Variants in C10orf67 observed in about 807,000 individuals in gnomAD.
C10orf67 encodes the protein chromosome 10 open reading frame 67.
In C10orf67, 60 loss-of-function variants were observed where a neutral mutation model predicts 35.6. The observed-to-expected ratio is 1.68, with a 90% CI of 1.37 to 2.09. The LOEUF is 2.09. Ranked by LOEUF, C10orf67 falls within the 30% of genes most tolerant of loss-of-function variation. The pLI, the probability that C10orf67 is intolerant of heterozygous loss-of-function variation, is 0.00. For missense variants in C10orf67, 474 were observed against 330.2 expected (o/e 1.44, Z -3.38); for synonymous variants, 167 against 115.8 (o/e 1.44, Z -2.84).
At chr10:23,325,576 A>G (rs1413558109) in intron 2 of C10orf67, among the ~76,000 whole-genome samples, 1 of 151,548 alleles carries the variant, frequency 6.6e-6, no homozygotes, top group East Asian at 1.9e-4. Flanking sequence ...ACCAATAACA[A>G]CAACAACAAA....
At position 23,298,017 on chromosome 10, in the gene C10orf67, A is replaced by G. The variant is rs185033806; in HGVS notation, c.702+5287T>C. On this transcript the variant is annotated intron_variant, in intron 5 of 15. Transcript: ENST00000636213. ...ACGCCTATAATCCTAGCACTTTGGG[A>G]AGCTGAGGTGGGCGGATCACAAGGT... 1.1e-3 allele frequency among the ~76,000 whole-genome samples: 164 copies of G among 152,188 alleles called. 2 individuals are homozygous for G. Among genetic ancestry groups the G allele is most frequent in the African/African-American group, 3.8e-3 (157 of 41,516 alleles).
chr10:23,341,925 A>G (rs1356758495), intron 1 of C10orf67, among the ~76,000 whole-genome samples: 1 of 152,092 alleles, frequency 6.6e-6, no homozygotes, highest in Non-Finnish European at 1.5e-5. Flanking sequence ...TAATCCCAGT[A>G]CTTTGGGAGG....
At chr10:23,250,210 G>A (rs1588615728) in intron 12 of C10orf67, among the ~76,000 whole-genome samples, 1 of 152,150 alleles carries the variant, frequency 6.6e-6, no homozygotes, top group South Asian at 2.1e-4. Flanking sequence ...GGTATTAAGC[G>A]AGTGAGTCTG....
At chr10:23,315,359 T>C (rs1461319241) in intron 4 of C10orf67, among the ~76,000 whole-genome samples, 1 of 152,232 alleles carries the variant, frequency 6.6e-6, no homozygotes, top group East Asian at 1.9e-4. Flanking sequence ...ACATTTGATA[T>C]ACATTAGAAA....
At chr10:23,300,394 G>A (rs1049302875) in intron 5 of C10orf67, among the ~76,000 whole-genome samples, 1 of 152,104 alleles carries the variant, frequency 6.6e-6, no homozygotes, top group African/African-American at 2.4e-5. Context: ...TATCCCGTTT[G>A]TCCCATTCCG....
intron 4 of C10orf67, among the ~76,000 whole-genome samples, chr10:23,320,180 A>G (rs1564510626): frequency 1.3e-5 from 2 of 152,228 alleles, no homozygotes; most frequent in Non-Finnish European, 2.9e-5. Context: ...AAACTTGTAA[A>G]CAGTGCCCAA....
chr10:23,263,611 G>A (rs1842808436), intron 10 of C10orf67, among the ~76,000 whole-genome samples: 1 of 152,036 alleles, frequency 6.6e-6, no homozygotes, highest in South Asian at 2.1e-4. Flanking sequence ...ACACAGAAGG[G>A]CCCTGATTCT....
At chr10:23,302,846 A>G (rs1460660791) in intron 5 of C10orf67, among the ~76,000 whole-genome samples, 1 of 152,144 alleles carries the variant, frequency 6.6e-6, no homozygotes, top group Non-Finnish European at 1.5e-5. Flanking sequence ...TGAGGGGAAA[A>G]TCCTCTGGGA....
intron 15 of C10orf67, among the ~76,000 whole-genome samples, chr10:23,214,678 A>G (rs1841386656): frequency 1.3e-5 from 2 of 152,202 alleles, no homozygotes; most frequent in African/African-American, 2.4e-5. Flanking sequence ...TAAAAATCAT[A>G]TAACACTTTG....
At chr10:23,257,473 G>A (rs530390102) in intron 10 of C10orf67, among the ~76,000 whole-genome samples, 1 of 152,240 alleles carries the variant, frequency 6.6e-6, no homozygotes, top group East Asian at 1.9e-4. Flanking sequence ...TGTGACCCCA[G>A]CTCCCACTCT....
At chr10:23,301,214 C>T (rs893457347) in intron 5 of C10orf67, among the ~76,000 whole-genome samples, 2 of 152,168 alleles carry the variant, frequency 1.3e-5, no homozygotes, top group African/African-American at 4.8e-5. Context: ...TGATCTCAAC[C>T]GGCTACTGCC....
chr10:23,213,182 A>G (rs887060217), intron 15 of C10orf67, among the ~76,000 whole-genome samples: 4 of 152,240 alleles, frequency 2.6e-5, no homozygotes, highest in African/African-American at 7.2e-5. Context: ...GGAAGGTACT[A>G]TTGAAGAATT....
In C10orf67 at chr10:23,334,655, G is replaced by A. The variant is rs188571536; in HGVS notation, c.207-1473C>T. Reference sequence around the variant, plus strand: ...AAGCCCATCACAGTTATCCCACTCTGCTTGGCAGTGGATGTCCAGGGACGG... The same window carrying A: ...AAGCCCATCACAGTTATCCCACTCTACTTGGCAGTGGATGTCCAGGGACGG... On this transcript the variant is annotated intron_variant, in intron 1 of 15. Coordinates refer to ENST00000636213, the MANE Select transcript of C10orf67 (RefSeq NM_001371909.1). 2.0e-4 allele frequency among the ~76,000 whole-genome samples: 30 copies of A among 152,362 alleles called. No homozygotes were observed. In the East Asian group the frequency reaches 5.6e-3, roughly 28 times the overall value.
chr10:23,258,434 G>T, intron 10 of C10orf67: 1 of 170,642 alleles, frequency 5.9e-6, no homozygotes, highest in Non-Finnish European at 1.4e-5. Context: ...TCAGCAAAGT[G>T]GGGACAGACT....
At chr10:23,323,674 G>A (rs941273749) in intron 2 of C10orf67, among the ~76,000 whole-genome samples, 14 of 151,228 alleles carry the variant, frequency 9.3e-5, no homozygotes, top group Admixed American at 2.0e-4. Context: ...ACTTTGGGAC[G>A]CTGAAGTGGA....
At position 23,344,669 on chromosome 10, in the gene C10orf67, C is replaced by A; in HGVS notation, c.106G>T (p.Glu36Ter). The A allele has an allele frequency of 6.3e-7, 1 of 1,580,208 alleles. No homozygotes were observed. The highest frequency in any genetic ancestry group is 2.3e-5 in the East Asian group (1 of 42,880). ...SLRGTFGTRWEAMKAKATELR... is the reference protein window; with the variant it reads ...SLRGTFGTRW ...TCGGTGGCCTTGGCTTTCATGGCCT[C>A]CCAGCGTGTGCCAAAGGTCCCCCTC... is the stretch of plus-strand genomic sequence containing the variant. The change falls in exon 1 of 16, where the codon GAG becomes TAG. Residue 36 changes from glutamate (E) to a stop codon, truncating the protein, a stop_gained. Coordinates refer to ENST00000636213, the MANE Select transcript of C10orf67 (RefSeq NM_001371909.1). LOFTEE classifies it high-confidence loss of function.
At chr10:23,217,169 C>T (rs1841453518) in intron 15 of C10orf67, among the ~76,000 whole-genome samples, 1 of 152,046 alleles carries the variant, frequency 6.6e-6, no homozygotes, top group Admixed American at 6.6e-5. Flanking sequence ...AGATGGGCAA[C>T]TTTGATTAAA....
chr10:23,236,966 G>A (rs1564466104), intron 13 of C10orf67, among the ~76,000 whole-genome samples: 1 of 152,146 alleles, frequency 6.6e-6, no homozygotes, highest in Non-Finnish European at 1.5e-5. Flanking sequence ...ATGGGGGTTT[G>A]CTGTTCAGAT....
At chr10:23,342,765 T>C (rs568729633) in intron 1 of C10orf67, among the ~76,000 whole-genome samples, 3 of 152,314 alleles carry the variant, frequency 2.0e-5, no homozygotes, top group East Asian at 1.9e-4. Flanking sequence ...AACGTACCCA[T>C]TGAATACAGT....
Sources: allele counts gnomAD v4.1 joint callset (sites outside exome capture counted in the v4.1 genomes callset), GRCh38; gene constraint gnomAD v4.1.1; transcripts MANE v1.5; gene names NCBI Gene and HGNC (gene_info 2026-07-23, HGNC 2026-07-21).